NAP1L1: variants seen among roughly 807,000 people sequenced by gnomAD.
NAP1L1 encodes the protein nucleosome assembly protein 1-like 1.
In NAP1L1, 9 loss-of-function variants were observed where a neutral mutation model predicts 58.9. The observed-to-expected ratio is 0.15, with a 90% CI of 0.09 to 0.27. The LOEUF (loss-of-function observed/expected upper bound fraction) is 0.27, where lower values mean the gene tolerates loss of function less well. NAP1L1 is among the 10% of genes least tolerant of loss of function. The pLI, the probability that NAP1L1 is intolerant of heterozygous loss-of-function variation, is 1.00. For missense variants in NAP1L1, 302 were observed against 458.8 expected (o/e 0.66, Z 3.12); for synonymous variants, 130 against 138.3 (o/e 0.94, Z 0.42).
In NAP1L1 at chr12:76,044,288, C is replaced by G. The variant is rs1030807968; in HGVS notation, c.*4141G>C. 3 of 152,096 alleles carry G rather than the reference C, an allele frequency of 2.0e-5. 1 individual carries two copies. The East Asian group carries it at 5.8e-4, about 29-fold the overall frequency. The allele number at this position is 152,096 out of a possible 1,614,324, so 9.4% of individuals were successfully genotyped here. ...CTGCACTCCAGCCTGGGCAACAGAG[C>G]AAGACTCTATCTCAAAAATAAAAAT... On this transcript the variant is annotated 3_prime_UTR_variant, in exon 15 of 15. Transcript: ENST00000618691.
chr12:76,054,899 A>C (rs553447678), intron 8 of NAP1L1, 120 bp downstream of exon 8: 23 of 542,544 alleles, frequency 4.2e-5, no homozygotes, highest in African/African-American at 3.3e-4. Flanking sequence ...CAGCATCCAA[A>C]TATTTATTCA....
intron 6 of NAP1L1, chr12:76,057,345 T>C: frequency 2.7e-6 from 1 of 368,250 alleles, no homozygotes; most frequent in Non-Finnish European, 5.2e-6. Flanking sequence ...GTACAGATGG[T>C]GGTGCCAGGT....
intron 4 of NAP1L1, among the ~76,000 whole-genome samples, chr12:76,061,565 G>C (rs1008699582): frequency 6.6e-6 from 1 of 152,116 alleles, no homozygotes; most frequent in Non-Finnish European, 1.5e-5. Context: ...ATGTGAACAG[G>C]GGGCACTGAT....
chr12:76,067,220 C>A, intron 4 of NAP1L1, 151 bp downstream of exon 4: 1 of 542,732 alleles, frequency 1.8e-6, no homozygotes. Context: ...TGGTACTAAG[C>A]ACAATTTTAA....
intron 3 of NAP1L1, 52 bp from the exon 4 acceptor site, chr12:76,067,525 C>CT (rs1565736744): frequency 1.4e-6 from 2 of 1,423,500 alleles, no homozygotes; most frequent in South Asian, 1.2e-5. Context: ...ATGTATTATG[C>CT]TTTTTTAATA....
chr12:76,053,953 A>G (rs374735635), intron 8 of NAP1L1, 44 bp from the exon 9 acceptor site: 7 of 1,560,802 alleles, frequency 4.5e-6, no homozygotes, highest in Non-Finnish European at 6.1e-6. Flanking sequence ...CCTACCTCAC[A>G]TATTTCAGTA....
chr12:76,073,286 G>A (rs1950042920), intron 2 of NAP1L1, among the ~76,000 whole-genome samples: 1 of 151,970 alleles, frequency 6.6e-6, no homozygotes, highest in African/African-American at 2.4e-5. Flanking sequence ...AACAGCTATG[G>A]AAAATAATTT....
rs1292024547 is a variant in NAP1L1 at position 76,038,773 on chromosome 12, G to T, written c.*9656C>A. The T allele has an allele frequency of 6.6e-6, 1 of 152,102 alleles. No individual in the cohort carries two copies. The highest frequency in any genetic ancestry group is 1.5e-5 in the Non-Finnish European group (1 of 67,992). 9.4% of individuals were successfully genotyped at this position (152,102 alleles called of 1,614,324 possible). ...GTTGCCACTAAACCTACCAGAAAAA[G>T]AAATCCCATTAGAACCGCCCCCATC... is the stretch of plus-strand genomic sequence containing the variant. On this transcript the variant is annotated 3_prime_UTR_variant, in exon 15 of 15. Transcript: ENST00000618691.
intron 1 of NAP1L1, among the ~76,000 whole-genome samples, chr12:76,075,887 G>C (rs148299860): frequency 1.3e-4 from 20 of 152,210 alleles, no homozygotes; most frequent in African/African-American, 4.8e-4. Context: ...ATCTCAGCCA[G>C]GCACCATGGC....
Position 76,053,898 on chromosome 12 carries a change from T to G in NAP1L1, c.642A>C (p.Leu214Phe), listed in dbSNP as rs1183772220. ...SDAGQPMSFV[L>F]EFHFEPNEYF... ...ATTCATTGGGTTCAAAGTGAAATTC[T>G]AAGACAAAACTCTGGGGAGAGGAAG... The change falls in exon 9 of 15, where the codon TTA (leucine) becomes TTC (phenylalanine). Residue 214 changes from leucine (L) to phenylalanine (F), a missense_variant. Physicochemically the swap from Leu to Phe is conservative, Grantham distance 22. Transcript: ENST00000618691. 6.3e-7 allele frequency: 1 copy of G among 1,597,500 alleles called. No homozygotes were observed. The highest frequency in any genetic ancestry group is 8.5e-7 in the Non-Finnish European group (1 of 1,175,748).
At chr12:76,064,080 G>C (rs1949546351) in intron 4 of NAP1L1, among the ~76,000 whole-genome samples, 1 of 152,002 alleles carries the variant, frequency 6.6e-6, no homozygotes, top group Admixed American at 6.6e-5. Context: ...GAGGTGGGAG[G>C]ATCACAGTGA....
At chr12:76,060,987 G>C (rs2137017478) in intron 4 of NAP1L1, 1 of 399,196 alleles carries the variant, frequency 2.5e-6, no homozygotes, top group African/African-American at 2.1e-5. Flanking sequence ...CAGCCACTTG[G>C]AAGGCTAAGA....
rs758582461 is a variant in NAP1L1, at chr12:76,048,439, T to C, written c.1166A>G (p.Lys389Arg). 2.5e-6 allele frequency: 4 copies of C among 1,613,660 alleles called. No homozygotes were observed. The highest frequency in any genetic ancestry group is 3.4e-6 in the Non-Finnish European group (4 of 1,179,716). The change falls in exon 15 of 15, where the codon AAG (lysine) becomes AGG (arginine). Residue 389 changes from lysine to arginine, a missense_variant. Coordinates refer to ENST00000618691, the MANE Select transcript of NAP1L1 (RefSeq NM_004537.7). ...CACATACATCCTGCTTCACTGCTGC[T>C]TGCACTCTGCTGGGTTTTGATCCTT... ...PKKDQNPAEC[K>R]QQ is the part of the protein sequence containing the mutation.
chr12:76,053,710 C>A (rs1329143272), intron 9 of NAP1L1, 60 bp downstream of exon 9: 1 of 1,559,408 alleles, frequency 6.4e-7, no homozygotes, highest in Non-Finnish European at 8.7e-7. Context: ...ACCGAGTATA[C>A]AAATCAAGTA....
At chr12:76,074,330 G>A (rs1950094999) in intron 1 of NAP1L1, 91 bp from the exon 2 acceptor site, 3 of 1,380,452 alleles carry the variant, frequency 2.2e-6, no homozygotes, top group Non-Finnish European at 2.8e-6. Context: ...ATACCATACT[G>A]AAAACTATCC....
At chr12:76,080,144 A>G (rs1347387909) in intron 1 of NAP1L1, among the ~76,000 whole-genome samples, 1 of 152,242 alleles carries the variant, frequency 6.6e-6, no homozygotes, top group African/African-American at 2.4e-5. Flanking sequence ...TCAACACAGG[A>G]CTGCATATAC....
intron 11 of NAP1L1, 68 bp from the exon 12 acceptor site, chr12:76,050,721 A>C (rs1948777332): frequency 6.6e-7 from 1 of 1,515,358 alleles, no homozygotes; most frequent in African/African-American, 1.4e-5. Context: ...GGCACATGTA[A>C]GACTCTTAGA....
chr12:76,062,542 A>C (rs1251357576), intron 4 of NAP1L1, among the ~76,000 whole-genome samples: 3 of 152,228 alleles, frequency 2.0e-5, no homozygotes, highest in African/African-American at 7.2e-5. Context: ...CTTAGAGATG[A>C]GGAAGATTGA....
intron 6 of NAP1L1, chr12:76,057,832 G>C (rs1191537875): frequency 6.5e-7 from 1 of 1,532,534 alleles, no homozygotes; most frequent in African/African-American, 1.4e-5. Context: ...ACAGAAGAGA[G>C]GTGGAAGGGG....
Sources: allele counts gnomAD v4.1 joint callset (sites outside exome capture counted in the v4.1 genomes callset), GRCh38; gene constraint gnomAD v4.1.1; transcripts MANE v1.5; gene names NCBI Gene and HGNC (gene_info 2026-07-23, HGNC 2026-07-21).